ERFE: variants seen among roughly 807,000 people sequenced by gnomAD.
ERFE encodes erythroferrone, also known as complement C1q tumor necrosis factor-related protein 15.
A neutral mutation model predicts 26.6 loss-of-function variants in ERFE; 25 were observed. The observed-to-expected ratio is 0.94, with a 90% CI of 0.69 to 1.31. The LOEUF (loss-of-function observed/expected upper bound fraction) is 1.31. ERFE is among the 40% of genes most tolerant of loss of function. The probability of loss-of-function intolerance (pLI) is 0.00; values close to 1 mark genes in which losing one functional copy is unlikely to be tolerated. For missense variants in ERFE, 447 were observed against 440.2 expected (o/e 1.02, Z -0.14); for synonymous variants, 206 against 204.5 (o/e 1.01, Z -0.06).
rs1447553416 is a variant in ERFE at position 238,167,032 on chromosome 2, G to C, written c.1043G>C (p.Ser348Thr). The change falls in exon 8 of 8, where the codon AGT becomes ACT. Residue 348 changes from serine (S) to threonine (T), a missense_variant. Ser to Thr is a moderately conservative substitution (Grantham distance 58). Coordinates refer to ENST00000546354, the MANE Select transcript of ERFE (RefSeq NM_001291832.2). ...SLTVRSGSHFSAVLLGV is the reference protein window; with the variant it reads ...SLTVRSGSHFTAVLLGV ...ACAGTGCGCAGTGGCTCCCACTTCAGTGCTGTCCTCCTGGGCGTGTGAGCG... is the reference window on the plus strand; with the variant it reads ...ACAGTGCGCAGTGGCTCCCACTTCACTGCTGTCCTCCTGGGCGTGTGAGCG... The C allele has an allele frequency of 6.5e-7, 1 of 1,550,376 alleles. No homozygotes were observed. The highest frequency in any genetic ancestry group is 1.4e-5 in the African/African-American group (1 of 73,080).
Position 238,163,940 on chromosome 2 carries a change from C to T in ERFE, c.628C>T (p.Leu210=), listed in dbSNP as rs1574768746. ...PRVEAAFLCR[L]RRDALVERRA... The stretch of plus-strand genomic sequence containing the variant: ...CGTGGAGGCCGCTTTCCTCTGCCGC[C>T]TGCGCCGGGACGCGTTGGTGGAGCG... The change falls in exon 4 of 8, where the codon CTG becomes TTG. Residue 210 remains leucine, a synonymous_variant. Transcript: ENST00000546354. The T allele has an allele frequency of 2.2e-6, 3 of 1,370,996 alleles. No homozygotes were observed. Among genetic ancestry groups the T allele is most frequent in the African/African-American group, 1.5e-5 (1 of 65,552 alleles). The allele number at this position is 1,370,996 out of a possible 1,614,324, so 84.9% of individuals were successfully genotyped here.
intron 7 of ERFE, 62 bp from the exon 8 acceptor site, chr2:238,166,894 C>T (rs1693044874): frequency 1.4e-6 from 2 of 1,402,698 alleles, no homozygotes; most frequent in Admixed American, 4.0e-5. Flanking sequence ...GCTGGCTGGC[C>T]CTTGGGTCAC....
chr2:238,161,202 G>A (rs769324432), intron 1 of ERFE, among the ~76,000 whole-genome samples: 7 of 152,200 alleles, frequency 4.6e-5, no homozygotes, highest in Non-Finnish European at 1.0e-4. Context: ...GCACCTATGG[G>A]TGCTCCAGTG....
intron 6 of ERFE, among the ~76,000 whole-genome samples, chr2:238,165,119 A>G (rs951990134): frequency 6.6e-6 from 1 of 152,184 alleles, no homozygotes; most frequent in Non-Finnish European, 1.5e-5. Context: ...CTCCTGCACC[A>G]TCTGGCCCAC....
chr2:238,163,810 CCTCGCCCCGGT>C lies in ERFE; in HGVS notation c.503_513del (p.Ala168GlyfsTer138). On this transcript the variant is annotated frameshift_variant, in exon 4 of 8. Transcript: ENST00000546354. LOFTEE classifies it high-confidence loss of function. ...GCCCCGCCGGGCCGGTCGCTGCGAG[CCTCGCCCCGGT>C]CTCGGCCACCGCCGGGGAGGACGAC... is the stretch of plus-strand genomic sequence containing the variant. The C allele has an allele frequency of 7.5e-7, 1 of 1,340,220 alleles. No individual in the cohort carries two copies. Among genetic ancestry groups the C allele is most frequent in the Non-Finnish European group, 9.5e-7 (1 of 1,051,930 alleles). 83.0% of individuals were successfully genotyped at this position (1,340,220 alleles called of 1,614,324 possible).
Position 238,162,822 on chromosome 2 carries a change from C to A in ERFE, c.408C>A (p.Phe136Leu). 2 of 1,550,208 alleles carry A rather than the reference C, an allele frequency of 1.3e-6. No homozygotes were observed. Among genetic ancestry groups the A allele is most frequent in the Non-Finnish European group, 1.7e-6 (2 of 1,146,794 alleles). Residue 136 changes from phenylalanine to leucine, a missense_variant, in exon 3 of 8, where the codon TTC becomes TTA. Transcript: ENST00000546354. ...CACCCGAGGCGCTGCTGAAGGAGTT[C>A]CAGCTGCTGCTGAAAGGTAGGGGTG... ...IIPPEALLKE[F>L]QLLLKGAVRQ...
At position 238,164,359 on chromosome 2, in the gene ERFE, G is replaced by T; in HGVS notation, c.886G>T (p.Ala296Ser). 1 of 1,542,758 alleles carries T rather than the reference G, an allele frequency of 6.5e-7. No individual in the cohort carries two copies. Among genetic ancestry groups the T allele is most frequent in the Non-Finnish European group, 8.7e-7 (1 of 1,145,600 alleles). The change falls in exon 6 of 8, where the codon GCC (alanine) becomes TCC (serine). Residue 296 changes from alanine to serine, a missense_variant and splice_region_variant. Ala to Ser is a moderately conservative substitution (Grantham distance 99). Transcript: ENST00000546354. ...ICIQSRCQRN[A>S]SLEAIMGLES... is the part of the protein sequence containing the mutation. The stretch of plus-strand genomic sequence containing the variant: ...CATCCAGTCCCGGTGCCAGCGCAAC[G>T]CGTGAGTGTACCCCGGCCCGGACCC...
In ERFE at chr2:238,168,186, G is replaced by A. The variant is rs552065296; in HGVS notation, c.*1132G>A. 206 of 315,726 alleles carry A rather than the reference G, an allele frequency of 6.5e-4. 1 individual carries two copies. Among genetic ancestry groups the A allele is most frequent in the African/African-American group, 4.3e-3 (195 of 45,594 alleles). 19.6% of individuals were successfully genotyped at this position (315,726 alleles called of 1,614,324 possible). ...AGTGATGGGGCCTGGGGATGGGGAC[G>A]GCAGCTCTCATGAGGACACACAGGC... On this transcript the variant is annotated 3_prime_UTR_variant, in exon 8 of 8. Transcript: ENST00000546354.
In ERFE at chr2:238,165,669, C is replaced by T. The variant is rs763158894; in HGVS notation, c.951C>T (p.Gly317=). ...SSELFTISVN[G]VLYLQMGQWT... Reference sequence around the variant, plus strand: ...AGCTCTTCACCATCTCTGTGAATGGCGTCCTGTACCTGCAGGTGAGTGCGG... The same window carrying T: ...AGCTCTTCACCATCTCTGTGAATGGTGTCCTGTACCTGCAGGTGAGTGCGG... Residue 317 remains glycine, a synonymous_variant, in exon 7 of 8, where the codon GGC becomes GGT. Coordinates refer to ENST00000546354, the MANE Select transcript of ERFE (RefSeq NM_001291832.2). The T allele has an allele frequency of 3.0e-5, 46 of 1,549,266 alleles. No individual in the cohort carries two copies. Among genetic ancestry groups the T allele is most frequent in the African/African-American group, 8.2e-5 (6 of 73,038 alleles).
At chr2:238,164,043 G>A in intron 4 of ERFE, 32 bp from the exon 5 acceptor site, 1 of 1,382,810 alleles carries the variant, frequency 7.2e-7, no homozygotes, top group Non-Finnish European at 9.3e-7. Flanking sequence ...CGGCCGGGCG[G>A]GAGCCGGGGT....
rs751324942 is a variant in ERFE, at chr2:238,168,254, C to G, written c.*1200C>G. On this transcript the variant is annotated 3_prime_UTR_variant, in exon 8 of 8. Coordinates refer to ENST00000546354, the MANE Select transcript of ERFE (RefSeq NM_001291832.2). ...CTCAAATGTAGCCTCCCACATTTTC[C>G]CCAAAGTACAGGACTGTCCCAGAGT... 1.7e-5 allele frequency: 6 copies of G among 360,028 alleles called. No individual in the cohort carries two copies. The highest frequency in any genetic ancestry group is 3.4e-5 in the Non-Finnish European group (6 of 174,470). 22.3% of individuals were successfully genotyped at this position (360,028 alleles called of 1,614,324 possible).
rs1693095349 is a variant in ERFE, at chr2:238,168,854, A to G, written c.*1800A>G. The G allele has an allele frequency of 6.0e-6, 1 of 165,846 alleles. No homozygotes were observed. Among genetic ancestry groups the G allele is most frequent in the African/African-American group, 2.4e-5 (1 of 41,952 alleles). The allele number at this position is 165,846 out of a possible 1,614,324, so 10.3% of individuals were successfully genotyped here. A position where few individuals can be genotyped will look rare whatever the true frequency, so the allele number is the denominator to read the frequency against. ...TCAGTGTGTTATGCAGCAATTTATT[A>G]AAGTATTTATTGTCTAATAAATACT... is the stretch of plus-strand genomic sequence containing the variant. On this transcript the variant is annotated 3_prime_UTR_variant, in exon 8 of 8. Transcript: ENST00000546354.
rs555517103 is a variant in ERFE, at chr2:238,164,210, C to T, written c.796+27C>T. 223 of 1,431,630 alleles carry T rather than the reference C, an allele frequency of 1.6e-4. 2 individuals carry two copies. In the South Asian group the frequency reaches 2.9e-3, roughly 19 times the overall value. The allele number at this position is 1,431,630 out of a possible 1,614,324, so 88.7% of individuals were successfully genotyped here. The stretch of plus-strand genomic sequence containing the variant: ...TGAGGCCCGGGGCGTGGGAGGATCG[C>T]CCGCTCTGTCGCCCACCCCGCCGCC... On this transcript the variant is annotated intron_variant, in intron 5 of 7. Coordinates refer to ENST00000546354, the MANE Select transcript of ERFE (RefSeq NM_001291832.2).
rs1692979651 is a variant in ERFE, at chr2:238,163,819, G to A, written c.507G>A (p.Pro169=). ...GGCCGGTCGCTGCGAGCCTCGCCCC[G>A]GTCTCGGCCACCGCCGGGGAGGACG... ...PAGPVAASLA[P]VSATAGEDDD... Residue 169 remains proline (P), a synonymous_variant, in exon 4 of 8, where the codon CCG becomes CCA. Transcript: ENST00000546354. 1.5e-6 allele frequency: 2 copies of A among 1,330,552 alleles called. No individual in the cohort carries two copies. Among genetic ancestry groups the A allele is most frequent in the East Asian group, 6.3e-5 (2 of 31,916 alleles). 82.4% of individuals were successfully genotyped at this position (1,330,552 alleles called of 1,614,324 possible). A position where few individuals can be genotyped will look rare whatever the true frequency, so the allele number is the denominator to read the frequency against.
chr2:238,167,419 C>T lies in ERFE; in HGVS notation c.*365C>T, dbSNP rs1485818363. 4 of 529,302 alleles carry T rather than the reference C, an allele frequency of 7.6e-6. No individual in the cohort carries two copies. The highest frequency in any genetic ancestry group is 1.9e-5 in the African/African-American group (1 of 53,000). The allele number at this position is 529,302 out of a possible 1,614,324, so 32.8% of individuals were successfully genotyped here. A position where few individuals can be genotyped will look rare whatever the true frequency, so the allele number is the denominator to read the frequency against. ...TTCCTGTGCCCAGCCCCACCTTTTC[C>T]ACCTCTCTTCATGTTCTCATGGAGT... On this transcript the variant is annotated 3_prime_UTR_variant, in exon 8 of 8. Coordinates refer to ENST00000546354, the MANE Select transcript of ERFE (RefSeq NM_001291832.2).
chr2:238,165,518 G>T (rs1559282889), intron 6 of ERFE, 88 bp from the exon 7 acceptor site: 1 of 1,135,902 alleles, frequency 8.8e-7, no homozygotes, highest in Non-Finnish European at 1.3e-6. Flanking sequence ...TGCTGGGCAT[G>T]TGTTGGCTGC....
At chr2:238,162,866 C>CCCCT in intron 3 of ERFE, 28 bp downstream of exon 3, 1 of 1,517,930 alleles carries the variant, frequency 6.6e-7, no homozygotes, top group Non-Finnish European at 8.9e-7. Context: ...CTGGGACACA[C>CCCCT]ACACCCCGCT....
chr2:238,159,541 T>C (rs1692907466), intron 1 of ERFE, among the ~76,000 whole-genome samples: 1 of 152,206 alleles, frequency 6.6e-6, no homozygotes, highest in African/African-American at 2.4e-5. Flanking sequence ...AACGCATTTG[T>C]AAAAAGTGTA....
rs1279464901 is a variant in ERFE, at chr2:238,168,350, C to T, written c.*1296C>T. 1 of 468,708 alleles carries T rather than the reference C, an allele frequency of 2.1e-6. No individual in the cohort carries two copies. The highest frequency in any genetic ancestry group is 4.4e-6 in the Non-Finnish European group (1 of 226,118). 29.0% of individuals were successfully genotyped at this position (468,708 alleles called of 1,614,324 possible). A position where few individuals can be genotyped will look rare whatever the true frequency, so the allele number is the denominator to read the frequency against. ...CCTACCTGCTGAGGAAGAGTTAACC[C>T]ACTGCCTCCCCACACAACAGGCTAC... is the stretch of plus-strand genomic sequence containing the variant. On this transcript the variant is annotated 3_prime_UTR_variant, in exon 8 of 8. Transcript: ENST00000546354.
Sources: gnomAD v4.1 joint callset for allele counts (sites outside exome capture counted in the v4.1 genomes callset) on GRCh38, gnomAD v4.1.1 for gene constraint, MANE v1.5 for transcripts, NCBI Gene and HGNC (gene_info 2026-07-23, HGNC 2026-07-21) for gene names.